Variants in GJA8 observed in about 807,000 individuals in gnomAD.
GJA8 encodes the protein gap junction alpha-8 protein.
In GJA8, 13 loss-of-function variants were observed where a neutral mutation model predicts 15.3. The observed-to-expected ratio is 0.85, with a 90% CI of 0.55 to 1.35. The LOEUF (loss-of-function observed/expected upper bound fraction) is 1.35, where lower values mean the gene tolerates loss of function less well. GJA8 is among the 40% of genes most tolerant of loss of function. The pLI is 0.00. For synonymous variants in GJA8, 304 were observed against 238.7 expected (o/e 1.27, Z -2.52); for missense variants, 607 against 553.3 (o/e 1.10, Z -0.97).
At chr1:147,905,870 G>A (rs1651778087) in intron 1 of GJA8, among the ~76,000 whole-genome samples, 1 of 152,204 alleles carries the variant, frequency 6.6e-6, no homozygotes, top group Non-Finnish European at 1.5e-5. Context: ...CCCATGACTG[G>A]GGATGCCACA....
chr1:147,910,709 G>A (rs919500096), downstream of GJA8, among the ~76,000 whole-genome samples: 2 of 152,156 alleles, frequency 1.3e-5, no homozygotes, highest in Non-Finnish European at 2.9e-5. Context: ...TTTCGAGCTG[G>A]AGGACATCTG....
downstream of GJA8, among the ~76,000 whole-genome samples, chr1:147,910,032 G>C (rs1481691326): frequency 1.3e-5 from 2 of 152,058 alleles, no homozygotes; most frequent in African/African-American, 2.4e-5. Context: ...GCTAATTTTT[G>C]TATTTTTTGT....
rs1553243011 is a variant in GJA8, at chr1:147,909,084, G to A, written c.1129G>A (p.Val377Met). 20 of 1,611,212 alleles carry A rather than the reference G, an allele frequency of 1.2e-5. No homozygotes were observed. The highest frequency in any genetic ancestry group is 1.7e-5 in the Non-Finnish European group (20 of 1,178,576). Residue 377 changes from valine to methionine, a missense_variant, in exon 2 of 2, where the codon GTG becomes ATG. Transcript: ENST00000369235. ...GGGGGAGAAAGTAGAGACCCCCGGAGTGGATAAGGAGGGTGAAAAAGAAGA... is the reference window on the plus strand; with the variant it reads ...GGGGGAGAAAGTAGAGACCCCCGGAATGGATAAGGAGGGTGAAAAAGAAGA... ...PEGEKVETPG[V>M]DKEGEKEEPQ...
intron 1 of GJA8, 63 bp from the exon 2 acceptor site, chr1:147,907,882 C>G: frequency 1.7e-6 from 2 of 1,179,496 alleles, no homozygotes; most frequent in Non-Finnish European, 2.5e-6. Flanking sequence ...TTAGCAAAAA[C>G]AGATATTGAC....
At chr1:147,903,954 CAG>C (rs1464836260) in intron 1 of GJA8, among the ~76,000 whole-genome samples, 2 of 70,998 alleles carry the variant, frequency 2.8e-5, no homozygotes, top group African/African-American at 1.0e-4. Flanking sequence ...TTTTTTGAGA[CAG>C]AGTCTCGCTG....
chr1:147,909,017 G>T lies in GJA8; in HGVS notation c.1062G>T (p.Glu354Asp). The change falls in exon 2 of 2, where the codon GAG (glutamate) becomes GAT (aspartate). Residue 354 changes from glutamate (E) to aspartate (D), a missense_variant. By Grantham distance (45) the Glu-to-Asp change is conservative. Transcript: ENST00000369235. ...TGGGAGAGAAGAAGGAGGAAGCAGA[G>T]AGGCTGACCACGGAGGAGCAGGAGA... ...PEVGEKKEEA[E>D]RLTTEEQEKV... The T allele has an allele frequency of 6.3e-7, 1 of 1,596,054 alleles. No individual in the cohort carries two copies. The highest frequency in any genetic ancestry group is 8.5e-7 in the Non-Finnish European group (1 of 1,170,796).
downstream of GJA8, among the ~76,000 whole-genome samples, chr1:147,912,694 G>C (rs1571184207): frequency 6.6e-6 from 1 of 151,948 alleles, no homozygotes; most frequent in East Asian, 1.9e-4. Context: ...AGGGCACATG[G>C]ACCTACCAAT....
chr1:147,906,810 C>G (rs782219058), intron 1 of GJA8, among the ~76,000 whole-genome samples: 1 of 152,174 alleles, frequency 6.6e-6, no homozygotes, highest in Non-Finnish European at 1.5e-5. Context: ...ATCAAGCAAA[C>G]AGAACTGCTG....
rs1280760883 is a variant in GJA8 at position 147,908,058 on chromosome 1, C to T, written c.103C>T (p.Leu35Phe). 3.1e-6 allele frequency: 5 copies of T among 1,614,036 alleles called. No homozygotes were observed. The highest frequency in any genetic ancestry group is 4.2e-6 in the Non-Finnish European group (5 of 1,179,990). The change falls in exon 2 of 2, where the codon CTC becomes TTC. Residue 35 changes from leucine to phenylalanine, a missense_variant. Leu to Phe is a conservative substitution (Grantham distance 22, BLOSUM62 0). Transcript: ENST00000369235. The stretch of plus-strand genomic sequence containing the variant: ...CACCGTGCTTTTCATCTTCCGGATC[C>T]TCATCCTTGGCACGGCCGCAGAGTT... Reference protein sequence around the residue: ...WLTVLFIFRILILGTAAEFVW... With the variant: ...WLTVLFIFRIFILGTAAEFVW...
chr1:147,909,240 G>C lies in GJA8; in HGVS notation c.1285G>C (p.Asp429His). ...LSKASSRARS[D>H]DLTV ...CAAAGCCAGCAGCCGAGCCAGGTCA[G>C]ACGATCTAACCGTATGAAGTGACGC... Residue 429 changes from aspartate (D) to histidine (H), a missense_variant, in exon 2 of 2, where the codon GAC becomes CAC. Transcript: ENST00000369235. 7.1e-7 allele frequency: 1 copy of C among 1,402,932 alleles called. No individual in the cohort carries two copies. The highest frequency in any genetic ancestry group is 9.8e-7 in the Non-Finnish European group (1 of 1,017,324). 86.9% of individuals were successfully genotyped at this position (1,402,932 alleles called of 1,614,324 possible).
Position 147,908,609 on chromosome 1 carries a change from C to T in GJA8, c.654C>T (p.Phe218=), listed in dbSNP as rs1651924410. The T allele has an allele frequency of 1.9e-6, 3 of 1,614,110 alleles. No individual in the cohort carries two copies. Among genetic ancestry groups the T allele is most frequent in the Non-Finnish European group, 2.5e-6 (3 of 1,180,042 alleles). ...TGTCTGTGGCCTCTGTGTCCCTATT[C>T]CTCAACGTGATGGAGTTGGGCCACC... ...FMLSVASVSL[F]LNVMELGHLG... The change falls in exon 2 of 2, where the codon TTC becomes TTT. Residue 218 remains phenylalanine (F), a synonymous_variant. Coordinates refer to ENST00000369235, the MANE Select transcript of GJA8 (RefSeq NM_005267.5).
At chr1:147,906,883 C>T (rs1183473822) in intron 1 of GJA8, among the ~76,000 whole-genome samples, 1 of 151,864 alleles carries the variant, frequency 6.6e-6, no homozygotes, top group African/African-American at 2.4e-5. Flanking sequence ...TTTCTTTTTT[C>T]TTTTTTTTCT....
At chr1:147,910,044 C>G (rs57492885), downstream of GJA8, among the ~76,000 whole-genome samples, 1,729 of 152,170 alleles carry the variant, frequency 0.011, 32 homozygotes, top group African/African-American at 0.039. Context: ...ATTTTTTGTA[C>G]AGATGGCGTT....
downstream of GJA8, among the ~76,000 whole-genome samples, chr1:147,911,960 C>T (rs587748915): frequency 2.8e-4 from 42 of 151,928 alleles, no homozygotes; most frequent in African/African-American, 9.9e-4. Context: ...AACGTACCCA[C>T]ACTGTCCCCA....
At position 147,908,283 on chromosome 1, in the gene GJA8, G is replaced by A. The variant is rs781915687; in HGVS notation, c.328G>A (p.Glu110Lys). Residue 110 changes from glutamate (E) to lysine (K), a missense_variant, in exon 2 of 2, where the codon GAG becomes AAG. By Grantham distance (56) the Glu-to-Lys change is moderately conservative (BLOSUM62 1). Transcript: ENST00000369235. ...VRMEEKRKSR[E>K]AEELGQQAGT... ...CATGGAGGAGAAGCGCAAAAGCCGC[G>A]AGGCGGAGGAGCTGGGCCAGCAGGC... 1.2e-5 allele frequency: 20 copies of A among 1,614,032 alleles called. No individual in the cohort carries two copies. Among genetic ancestry groups the A allele is most frequent in the Non-Finnish European group, 1.7e-5 (20 of 1,180,010 alleles).
chr1:147,911,581 C>G (rs189115371), downstream of GJA8, among the ~76,000 whole-genome samples: 1 of 152,138 alleles, frequency 6.6e-6, no homozygotes, highest in South Asian at 2.1e-4. Context: ...TTAATCTTAC[C>G]CCTAGCAAGC....
chr1:147,909,954 A>G (rs55911650), downstream of GJA8, among the ~76,000 whole-genome samples: 5,194 of 152,182 alleles, frequency 0.034, 109 homozygotes, highest in African/African-American at 0.046. Flanking sequence ...CAACCTCCCA[A>G]GCTCAAGTGA....
chr1:147,914,011 T>G (rs1272954336), downstream of GJA8, among the ~76,000 whole-genome samples: 3 of 152,178 alleles, frequency 2.0e-5, no homozygotes, highest in Non-Finnish European at 4.4e-5. Context: ...GTTCAGCATT[T>G]GGGTAAGAGG....
At position 147,908,069 on chromosome 1, in the gene GJA8, C is replaced by T. The variant is rs782558396; in HGVS notation, c.114C>T (p.Gly38=). 2 of 1,614,146 alleles carry T rather than the reference C, an allele frequency of 1.2e-6. No individual in the cohort carries two copies. The highest frequency in any genetic ancestry group is 1.7e-6 in the Non-Finnish European group (2 of 1,179,994). ...TCATCTTCCGGATCCTCATCCTTGGCACGGCCGCAGAGTTCGTGTGGGGGG... is the reference window on the plus strand; with the variant it reads ...TCATCTTCCGGATCCTCATCCTTGGTACGGCCGCAGAGTTCGTGTGGGGGG... The part of the protein sequence containing the change: ...VLFIFRILIL[G]TAAEFVWGDE... Residue 38 remains glycine, a synonymous_variant, in exon 2 of 2, where the codon GGC becomes GGT. Coordinates refer to ENST00000369235, the MANE Select transcript of GJA8 (RefSeq NM_005267.5).
Sources: allele counts gnomAD v4.1 joint callset (sites outside exome capture counted in the v4.1 genomes callset), GRCh38; gene constraint gnomAD v4.1.1; transcripts MANE v1.5; gene names NCBI Gene and HGNC (gene_info 2026-07-23, HGNC 2026-07-21).